Variants in PCDHA1 observed in about 807,000 individuals in gnomAD.
The protein encoded by PCDHA1 is protocadherin alpha-1.
In PCDHA1, 42 loss-of-function variants were observed where a neutral mutation model predicts 61.3. The ratio of observed to expected loss-of-function variants is 0.69; its 90% CI spans 0.54 to 0.89. The LOEUF is 0.89. PCDHA1 is among the 40% of genes least tolerant of loss of function. The probability of loss-of-function intolerance (pLI) is 0.00; values close to 1 mark genes in which losing one functional copy is unlikely to be tolerated. For missense variants in PCDHA1, 1,256 were observed against 1,235.3 expected, an observed-to-expected ratio of 1.02 and a Z score of -0.25; for synonymous variants, 610 against 553.8, an observed-to-expected ratio of 1.10 and a Z score of -1.43.
intron 1 of PCDHA1, chr5:140,834,575 C>G (rs2150221484): frequency 6.2e-7 from 1 of 1,614,096 alleles, no homozygotes; most frequent in South Asian, 1.1e-5. Context: ...CGCGCCTGTT[C>G]CGGGCGGTGT....
intron 3 of PCDHA1, among the ~76,000 whole-genome samples, chr5:141,000,648 G>A (rs559996046): frequency 8.9e-4 from 134 of 150,894 alleles, no homozygotes; most frequent in African/African-American, 2.6e-3. Flanking sequence ...GGCTGGTCTC[G>A]AACTCCTGAC....
intron 1 of PCDHA1, chr5:140,836,498 C>A: frequency 1.2e-6 from 2 of 1,613,896 alleles, no homozygotes; most frequent in Non-Finnish European, 1.7e-6. Context: ...TCGCCATCTG[C>A]GCGGTGTCCA....
chr5:140,796,243 G>T, intron 1 of PCDHA1: 1 of 1,614,160 alleles, frequency 6.2e-7, no homozygotes, highest in Non-Finnish European at 8.5e-7. Context: ...GGTGGTGACC[G>T]CACGGGACGG....
chr5:141,010,274 T>C lies in PCDHA1; in HGVS notation c.*337T>C, dbSNP rs1554262865. On this transcript the variant is annotated 3_prime_UTR_variant, in exon 4 of 4. Coordinates refer to ENST00000504120, the MANE Select transcript of PCDHA1 (RefSeq NM_018900.4). ...TCTGCCCTGTGCTCCGGGGATCCTG[T>C]CTTGATGACACTTGCAGGGCAGGCT... is the stretch of plus-strand genomic sequence containing the variant. The C allele has an allele frequency of 6.4e-7, 1 of 1,551,424 alleles. No homozygotes were observed. Among genetic ancestry groups the C allele is most frequent in the Admixed American group, 2.0e-5 (1 of 50,930 alleles).
intron 1 of PCDHA1, chr5:140,813,712 C>T (rs1224457042): frequency 2.0e-5 from 3 of 152,218 alleles, no homozygotes; most frequent in Non-Finnish European, 4.4e-5. Context: ...TTTCTTTTTA[C>T]AGGCTGGTCA....
chr5:141,001,850 T>G (rs2098040443), intron 3 of PCDHA1, among the ~76,000 whole-genome samples: 1 of 152,164 alleles, frequency 6.6e-6, no homozygotes, highest in Admixed American at 6.5e-5. Context: ...AGAGAGAGGT[T>G]GATTAAATTG....
intron 1 of PCDHA1, among the ~76,000 whole-genome samples, chr5:140,789,399 C>T (rs1562139869): frequency 6.6e-6 from 1 of 152,174 alleles, no homozygotes; most frequent in African/African-American, 2.4e-5. Context: ...TTGTAGTGAA[C>T]CGAAGTCGCA....
intron 1 of PCDHA1, chr5:140,969,073 G>A (rs781937942): frequency 1.4e-5 from 23 of 1,613,974 alleles, no homozygotes; most frequent in South Asian, 5.5e-5. Context: ...CCAGGATACC[G>A]CATGGCCTCA....
Position 140,808,709 on chromosome 5 carries a change from G to A in PCDHA1, c.2394+20025G>A, listed in dbSNP as rs782467255. 2.0e-5 allele frequency: 33 copies of A among 1,612,114 alleles called. No individual in the cohort carries two copies. Among genetic ancestry groups the A allele is most frequent in the Non-Finnish European group, 1.9e-5 (22 of 1,179,820 alleles). On this transcript the variant is annotated intron_variant, in intron 1 of 3. Coordinates refer to ENST00000504120, the MANE Select transcript of PCDHA1 (RefSeq NM_018900.4). ...AGGGGAGCGCGCGCTGTCGAGCTAC[G>A]TTTCGGTGCATGCGGAGAGCGGCAA...
chr5:140,795,402 G>T, intron 1 of PCDHA1: 4 of 1,614,172 alleles, frequency 2.5e-6, no homozygotes, highest in Non-Finnish European at 3.4e-6. Context: ...CCGAATCAAG[G>T]CTGCTTGATT....
chr5:140,793,424 C>T (rs1334624316), intron 1 of PCDHA1, among the ~76,000 whole-genome samples: 3 of 152,120 alleles, frequency 2.0e-5, no homozygotes, highest in Admixed American at 2.0e-4. Context: ...ATACACATTT[C>T]CATAGATGGT....
intron 1 of PCDHA1, chr5:140,794,954 G>A (rs200496656): frequency 1.5e-4 from 240 of 1,597,164 alleles, no homozygotes; most frequent in Non-Finnish European, 2.0e-4. Context: ...TCAAAACATT[G>A]AGGATTGGTA....
At chr5:140,915,015 G>T (rs1469800021) in intron 1 of PCDHA1, among the ~76,000 whole-genome samples, 3 of 146,766 alleles carry the variant, frequency 2.0e-5, no homozygotes, top group Non-Finnish European at 4.5e-5. Flanking sequence ...GCCTGATCTT[G>T]GCTCACTGCA....
At chr5:140,867,519 G>T (rs1028879679) in intron 1 of PCDHA1, 3 of 152,018 alleles carry the variant, frequency 2.0e-5, no homozygotes, top group Admixed American at 1.3e-4. Context: ...CAAATTAATA[G>T]TTGAATATAT....
chr5:140,960,397 G>A (rs1322659184), intron 1 of PCDHA1, among the ~76,000 whole-genome samples: 1 of 152,102 alleles, frequency 6.6e-6, no homozygotes, highest in African/African-American at 2.4e-5. Flanking sequence ...AGGATGCAAG[G>A]GGGGGTGCCC....
At chr5:140,842,199 T>G in intron 1 of PCDHA1, 1 of 1,613,772 alleles carries the variant, frequency 6.2e-7, no homozygotes, top group African/African-American at 1.3e-5. Context: ...ATTGACCACT[T>G]TAGCATAGAT....
intron 1 of PCDHA1, among the ~76,000 whole-genome samples, chr5:140,890,396 A>C (rs1466548320): frequency 1.3e-5 from 2 of 152,134 alleles, no homozygotes; most frequent in African/African-American, 4.8e-5. Context: ...ATAATCTATA[A>C]ATTTTAACTT....
chr5:140,807,641 T>C, intron 1 of PCDHA1: 1 of 1,614,114 alleles, frequency 6.2e-7, no homozygotes, highest in Non-Finnish European at 8.5e-7. Flanking sequence ...TGACTCTCGG[T>C]TTCCACTAGA....
chr5:140,883,179 C>A, intron 1 of PCDHA1: 4 of 1,613,776 alleles, frequency 2.5e-6, no homozygotes, highest in Non-Finnish European at 1.7e-6. Flanking sequence ...GAAATTAGGA[C>A]AAAAGGCAAA....
Sources: allele counts gnomAD v4.1 joint callset (sites outside exome capture counted in the v4.1 genomes callset), GRCh38; gene constraint gnomAD v4.1.1; transcripts MANE v1.5; gene names NCBI Gene and HGNC (gene_info 2026-07-23, HGNC 2026-07-21).